WWOX: variants seen among roughly 807,000 people sequenced by gnomAD.
The protein encoded by WWOX is WW domain containing oxidoreductase.
Under a neutral mutation model 46.2 loss-of-function variants are expected in WWOX, and 69 were observed. That is an observed-to-expected ratio of 1.49 (90% CI 1.23 to 1.82). WWOX has a LOEUF of 1.82. Among genes scored for constraint, WWOX ranks in the 40% most tolerant of loss-of-function variants. The pLI, the probability that WWOX is intolerant of heterozygous loss-of-function variation, is 0.00. For synonymous variants in WWOX, 359 were observed against 202.6 expected (o/e 1.77, Z -6.56); for missense variants, 919 against 542.6 (o/e 1.69, Z -6.89).
At chr16:79,166,114 G>T (rs1176762285) in intron 8 of WWOX, among the ~76,000 whole-genome samples, 12 of 152,198 alleles carry the variant, frequency 7.9e-5, no homozygotes, top group Non-Finnish European at 1.0e-4. Context: ...ACAAGTTGGG[G>T]TATTGCCGAA....
intron 8 of WWOX, among the ~76,000 whole-genome samples, chr16:78,846,288 C>T (rs1282915964): frequency 6.6e-6 from 1 of 152,214 alleles, no homozygotes. Flanking sequence ...ATGCTATTAA[C>T]TACACTCAGA....
Position 78,457,117 on chromosome 16 carries a change from A to T in WWOX, c.1056+24365A>T, listed in dbSNP as rs537163354. Among the ~76,000 whole-genome samples, 3 of 152,320 alleles carry T rather than the reference A, an allele frequency of 2.0e-5. No individual in the cohort carries two copies. In the South Asian group the frequency reaches 6.2e-4, roughly 32 times the overall value. ...AGGGAATTGGCAGTGTTCAGACAGA[A>T]TGGTAACATTCTCTCTGATCGTGTC... On this transcript the variant is annotated intron_variant, in intron 8 of 8. Transcript: ENST00000566780.
chr16:79,002,945 C>T (rs561281018), intron 8 of WWOX, among the ~76,000 whole-genome samples: 27 of 152,314 alleles, frequency 1.8e-4, no homozygotes, highest in Non-Finnish European at 3.4e-4. Flanking sequence ...AAAATCTATG[C>T]TGTTTAGGAA....
At chr16:78,402,251 C>T (rs1237719198) in intron 6 of WWOX, among the ~76,000 whole-genome samples, 1 of 152,142 alleles carries the variant, frequency 6.6e-6, no homozygotes, top group Non-Finnish European at 1.5e-5. Flanking sequence ...CCTTTTGTGA[C>T]TGGCTTTCAC....
chr16:79,143,820 A>C (rs1445982455), intron 8 of WWOX, among the ~76,000 whole-genome samples: 1 of 152,148 alleles, frequency 6.6e-6, no homozygotes, highest in African/African-American at 2.4e-5. Context: ...AGTTTTAGCC[A>C]ATATTCCAGT....
chr16:78,911,713 A>G (rs562747116), intron 8 of WWOX, among the ~76,000 whole-genome samples: 6 of 152,108 alleles, frequency 3.9e-5, no homozygotes, highest in African/African-American at 1.2e-4. Flanking sequence ...TAAAAGTACA[A>G]AAATTAGCCA....
intron 7 of WWOX, among the ~76,000 whole-genome samples, chr16:78,429,178 T>C (rs2083158268): frequency 6.6e-6 from 1 of 152,170 alleles, no homozygotes; most frequent in Admixed American, 6.5e-5. Flanking sequence ...TGGAATCAGG[T>C]GATCAATTGA....
chr16:78,313,929 ACTTCC>A (rs369603924), intron 5 of WWOX, among the ~76,000 whole-genome samples: 34 of 152,286 alleles, frequency 2.2e-4, no homozygotes, highest in African/African-American at 7.9e-4. Context: ...CCCCAGTGAC[ACTTCC>A]CTTATATCCG....
intron 8 of WWOX, among the ~76,000 whole-genome samples, chr16:78,517,052 T>G (rs1301330097): frequency 6.6e-6 from 1 of 152,204 alleles, no homozygotes; most frequent in African/African-American, 2.4e-5. Context: ...TTATATAGTT[T>G]TTAAAGTTTT....
chr16:78,270,985 A>G (rs1314063740), intron 5 of WWOX, among the ~76,000 whole-genome samples: 1 of 152,188 alleles, frequency 6.6e-6, no homozygotes, highest in Non-Finnish European at 1.5e-5. Context: ...CATCTTACAA[A>G]TGAATCAATA....
At chr16:78,765,614 C>T (rs1450081044) in intron 8 of WWOX, among the ~76,000 whole-genome samples, 2 of 151,984 alleles carry the variant, frequency 1.3e-5, no homozygotes, top group East Asian at 1.9e-4. Context: ...GGGAGGCAGA[C>T]GTTGCAGTGA....
Position 78,313,313 on chromosome 16 carries a change from A to C in WWOX, c.517-73547A>C, listed in dbSNP as rs563055934. Among the ~76,000 whole-genome samples the C allele has an allele frequency of 2.0e-5, 3 of 152,302 alleles. No individual in the cohort carries two copies. In the South Asian group the frequency reaches 6.2e-4, roughly 32 times the overall value. The stretch of plus-strand genomic sequence containing the variant: ...ATAGATCTGCTGGGAACATGATAGA[A>C]CGTCTGAACAGTGCTGGCTTATAGC... On this transcript the variant is annotated intron_variant, in intron 5 of 8. Coordinates refer to ENST00000566780, the MANE Select transcript of WWOX (RefSeq NM_016373.4).
intron 5 of WWOX, among the ~76,000 whole-genome samples, chr16:78,175,920 T>C (rs1243315729): frequency 6.6e-6 from 1 of 152,206 alleles, no homozygotes; most frequent in East Asian, 1.9e-4. Context: ...GAAGCTCCAC[T>C]GTGTGCAAGG....
chr16:78,467,235 G>A (rs78918040), intron 8 of WWOX, among the ~76,000 whole-genome samples: 3,941 of 152,174 alleles, frequency 0.026, 190 homozygotes, highest in African/African-American at 0.092. Context: ...CTGGCAGAGG[G>A]CTTTTTTCTG....
chr16:78,237,751 A>C (rs2037491629), intron 5 of WWOX: 1 of 152,230 alleles, frequency 6.6e-6, no homozygotes, highest in African/African-American at 2.4e-5. Flanking sequence ...TTCTGATTTC[A>C]GTGTCATAAA....
chr16:78,449,873 C>A (rs1419045573), intron 8 of WWOX, among the ~76,000 whole-genome samples: 1 of 151,160 alleles, frequency 6.6e-6, no homozygotes, highest in Non-Finnish European at 1.5e-5. Context: ...ATTTGAGTTA[C>A]AAAAACTAGC....
At chr16:78,392,983 C>A (rs60040613) in intron 6 of WWOX, among the ~76,000 whole-genome samples, 2 of 151,958 alleles carry the variant, frequency 1.3e-5, no homozygotes, top group African/African-American at 4.8e-5. Context: ...CGGTCGTCGG[C>A]CAGTGTGTCT....
intron 8 of WWOX, among the ~76,000 whole-genome samples, chr16:79,209,067 C>G (rs749312511): frequency 6.6e-6 from 1 of 152,198 alleles, no homozygotes; most frequent in Non-Finnish European, 1.5e-5. Flanking sequence ...GCCAGAGCCA[C>G]TTGTGATGGA....
chr16:78,790,086 T>G (rs957478512), intron 8 of WWOX, among the ~76,000 whole-genome samples: 6 of 152,224 alleles, frequency 3.9e-5, no homozygotes, highest in Non-Finnish European at 8.8e-5. Context: ...AGGAAGCATT[T>G]AATACCTAAA....
Sources: allele counts gnomAD v4.1 joint callset (sites outside exome capture counted in the v4.1 genomes callset), GRCh38; gene constraint gnomAD v4.1.1; transcripts MANE v1.5; gene names NCBI Gene and HGNC (gene_info 2026-07-23, HGNC 2026-07-21).